PIK3CB: variants seen among roughly 807,000 people sequenced by gnomAD.
The protein encoded by PIK3CB is phosphatidylinositol 4,5-bisphosphate 3-kinase catalytic subunit beta isoform.
PIK3CB carries 39 observed loss-of-function variants against 136.8 expected under a neutral mutation model. The ratio of observed to expected loss-of-function variants is 0.29; its 90% confidence interval spans 0.22 to 0.37. PIK3CB has a LOEUF of 0.37. Among genes scored for constraint, PIK3CB ranks in the 10% least tolerant of loss-of-function variants. The pLI, the probability that PIK3CB is intolerant of heterozygous loss-of-function variation, is 1.00. For synonymous variants in PIK3CB, 428 were observed against 436.6 expected (o/e 0.98, Z 0.25); for missense variants, 868 against 1,275.4 (o/e 0.68, Z 4.87).
chr3:138,708,004 G>A (rs1026309470), intron 10 of PIK3CB, among the ~76,000 whole-genome samples: 1 of 152,072 alleles, frequency 6.6e-6, no homozygotes, highest in African/African-American at 2.4e-5. Flanking sequence ...TGAGAAAATA[G>A]AGTTAGGTGT....
chr3:138,683,011 C>A (rs1231886644), intron 18 of PIK3CB, among the ~76,000 whole-genome samples: 5 of 152,046 alleles, frequency 3.3e-5, no homozygotes, highest in African/African-American at 1.2e-4. Flanking sequence ...ACTATGGCAG[C>A]AAAATCAATA....
intron 21 of PIK3CB, among the ~76,000 whole-genome samples, chr3:138,659,805 C>T (rs1421789626): frequency 1.3e-5 from 2 of 149,308 alleles, no homozygotes; most frequent in Non-Finnish European, 3.0e-5. Context: ...TATTCATGAA[C>T]ATTGGCTCTG....
At chr3:138,830,086 CT>C (rs1685896298) in intron 1 of PIK3CB, among the ~76,000 whole-genome samples, 1 of 152,042 alleles carries the variant, frequency 6.6e-6, no homozygotes, top group South Asian at 2.1e-4. Context: ...GCCGGAAGCC[CT>C]GGGGCATTAG....
chr3:138,672,408 G>A (rs1346971223), intron 19 of PIK3CB, among the ~76,000 whole-genome samples: 1 of 152,184 alleles, frequency 6.6e-6, no homozygotes, highest in Non-Finnish European at 1.5e-5. Flanking sequence ...TGTGTGTACA[G>A]GCCTTTGGCA....
At chr3:138,677,603 T>C (rs1470570945) in intron 19 of PIK3CB, among the ~76,000 whole-genome samples, 1 of 152,208 alleles carries the variant, frequency 6.6e-6, no homozygotes, top group Non-Finnish European at 1.5e-5. Context: ...AATTTTGGAA[T>C]TTGTTAAATC....
At chr3:138,688,714 G>A (rs1171587460) in intron 16 of PIK3CB, among the ~76,000 whole-genome samples, 161 bp downstream of exon 16, 1 of 152,100 alleles carries the variant, frequency 6.6e-6, no homozygotes, top group African/African-American at 2.4e-5. Flanking sequence ...GTCTGTTACT[G>A]AGACTTCTAT....
intron 1 of PIK3CB, among the ~76,000 whole-genome samples, chr3:138,830,766 T>G (rs544057729): frequency 3.3e-5 from 5 of 149,742 alleles, no homozygotes; most frequent in East Asian, 2.0e-4. Flanking sequence ...GCCGGGCGTG[T>G]TGGCTGGCGC....
chr3:138,665,626 T>A (rs1653864122), intron 19 of PIK3CB, among the ~76,000 whole-genome samples: 1 of 152,210 alleles, frequency 6.6e-6, no homozygotes, highest in African/African-American at 2.4e-5. Context: ...GTCCTTCTGG[T>A]GGCACCATCT....
chr3:138,833,211 C>A (rs1446160602), intron 1 of PIK3CB, among the ~76,000 whole-genome samples: 1 of 151,572 alleles, frequency 6.6e-6, no homozygotes, highest in Non-Finnish European at 1.5e-5. Flanking sequence ...GGATTACAAG[C>A]GCCCGCCACC....
chr3:138,780,665 T>C (rs991410468), intron 2 of PIK3CB, among the ~76,000 whole-genome samples: 2 of 152,146 alleles, frequency 1.3e-5, no homozygotes, highest in African/African-American at 4.8e-5. Context: ...ATGTCTTTTT[T>C]CTTTTTTTCT....
At chr3:138,719,392 C>T (rs990815569) in intron 8 of PIK3CB, among the ~76,000 whole-genome samples, 15 of 151,616 alleles carry the variant, frequency 9.9e-5, no homozygotes, top group Admixed American at 2.0e-4. Context: ...ATTACAGGTG[C>T]GCACCACCAT....
rs186104729 is a variant in PIK3CB, at chr3:138,663,022, C to T, written c.2796+884G>A. On this transcript the variant is annotated intron_variant, in intron 21 of 23. Coordinates refer to ENST00000674063, the MANE Select transcript of PIK3CB (RefSeq NM_006219.3). ...GGGCAAGGACTTCATGTCTAAAACA[C>T]TAAAAGCAATGGCAACAAAAGCCAA... Among the ~76,000 whole-genome samples, 915 of 152,144 alleles carry T rather than the reference C, an allele frequency of 6.0e-3. 5 individuals carry two copies. The highest frequency in any genetic ancestry group is 0.021 in the African/African-American group (855 of 41,518).
At position 138,694,867 on chromosome 3, in the gene PIK3CB, C is replaced by T. The variant is rs199713806; in HGVS notation, c.1811G>A (p.Arg604Gln). ...LLQIWPKLPP[R>Q]EALELLDFNY... Reference sequence around the variant, plus strand: ...GAAATCCAGAAGCTCTAGGGCCTCCCGGGGGGGCAGTTTAGGCCAAATCTG... The same window carrying T: ...GAAATCCAGAAGCTCTAGGGCCTCCTGGGGGGGCAGTTTAGGCCAAATCTG... The change falls in exon 14 of 24, where the codon CGG becomes CAG. Residue 604 changes from arginine (R) to glutamine (Q), a missense_variant. Transcript: ENST00000674063. 1.7e-5 allele frequency: 27 copies of T among 1,610,876 alleles called. No homozygotes were observed. The highest frequency in any genetic ancestry group is 8.9e-5 in the East Asian group (4 of 44,764).
At chr3:138,811,873 G>A (rs769259566) in intron 1 of PIK3CB, among the ~76,000 whole-genome samples, 4 of 152,044 alleles carry the variant, frequency 2.6e-5, no homozygotes, top group Non-Finnish European at 2.9e-5. Context: ...AAGATCACTG[G>A]AGCCCAGGAG....
At chr3:138,807,425 CTGTCTCAAAAA>C (rs962925739) in intron 1 of PIK3CB, among the ~76,000 whole-genome samples, 3 of 152,008 alleles carry the variant, frequency 2.0e-5, no homozygotes, top group Admixed American at 6.6e-5. Context: ...CAGAGTGAAA[CTGTCTCAAAAA>C]AATAAAATAA....
intron 8 of PIK3CB, among the ~76,000 whole-genome samples, chr3:138,723,580 G>A (rs192404685): frequency 1.6e-4 from 25 of 152,024 alleles, no homozygotes; most frequent in Admixed American, 1.6e-3. Flanking sequence ...TGCTTTATAC[G>A]GTTACATGTT....
rs182152179 is a variant in PIK3CB at position 138,699,769 on chromosome 3, T to G, written c.1582-674A>C. On this transcript the variant is annotated intron_variant, in intron 12 of 23. Coordinates refer to ENST00000674063, the MANE Select transcript of PIK3CB (RefSeq NM_006219.3). The stretch of plus-strand genomic sequence containing the variant: ...AATATATCTCTGTGTATGTTTATTT[T>G]CCCAAACATATGGAGGTAAACAAAT... Among the ~76,000 whole-genome samples, 199 of 152,338 alleles carry G rather than the reference T, an allele frequency of 1.3e-3. 2 individuals carry two copies. The highest frequency in any genetic ancestry group is 4.6e-3 in the African/African-American group (191 of 41,568).
At chr3:138,785,679 C>G (rs766224156) in intron 2 of PIK3CB, among the ~76,000 whole-genome samples, 2 of 152,068 alleles carry the variant, frequency 1.3e-5, no homozygotes, top group Non-Finnish European at 2.9e-5. Context: ...GCAAACGCTG[C>G]GGAAGGAAGC....
chr3:138,662,501 C>G (rs1205026453), intron 21 of PIK3CB, among the ~76,000 whole-genome samples: 5 of 150,308 alleles, frequency 3.3e-5, no homozygotes, highest in African/African-American at 1.2e-4. Flanking sequence ...TTTCTTAATC[C>G]AGTCTATCAT....
Sources: allele counts gnomAD v4.1 joint callset (sites outside exome capture counted in the v4.1 genomes callset), GRCh38; gene constraint gnomAD v4.1.1; transcripts MANE v1.5; gene names NCBI Gene and HGNC (gene_info 2026-07-23, HGNC 2026-07-21).